Variants in INPP4B observed in about 807,000 individuals in gnomAD.
INPP4B encodes inositol polyphosphate 4-phosphatase type II.
In INPP4B, 55 loss-of-function variants were observed where a neutral mutation model predicts 122.5. The observed-to-expected ratio is 0.45, with a 90% CI of 0.36 to 0.56. The LOEUF (loss-of-function observed/expected upper bound fraction) is 0.56. Among genes scored for constraint, INPP4B ranks in the 20% least tolerant of loss-of-function variants. The pLI is 0.00. For missense variants in INPP4B, 1,000 were observed against 1,097.7 expected (o/e 0.91, Z 1.26); for synonymous variants, 403 against 388.7 (o/e 1.04, Z -0.43).
intron 7 of INPP4B, among the ~76,000 whole-genome samples, chr4:142,372,901 T>G (rs1439845973): frequency 6.6e-6 from 1 of 152,022 alleles, no homozygotes; most frequent in Non-Finnish European, 1.5e-5. Flanking sequence ...TTCATATGAT[T>G]AAGCACATTT....
intron 1 of INPP4B, among the ~76,000 whole-genome samples, chr4:142,750,441 T>C (rs1769516216): frequency 6.6e-6 from 1 of 152,084 alleles, no homozygotes; most frequent in Non-Finnish European, 1.5e-5. Context: ...ACCAAGTGGA[T>C]GGAATGTATG....
intron 7 of INPP4B, among the ~76,000 whole-genome samples, chr4:142,337,734 A>ATTATATATATTATATATAATATATAT (rs1554038704): frequency 2.4e-5 from 1 of 41,672 alleles, no homozygotes; most frequent in Non-Finnish European, 5.1e-5. Flanking sequence ...TTTTATATAT[A>ATTATATATATTATATATAATATATAT]TTTATATATA....
intron 2 of INPP4B, among the ~76,000 whole-genome samples, chr4:142,626,256 C>A (rs1195881247): frequency 6.6e-6 from 1 of 152,068 alleles, no homozygotes; most frequent in Non-Finnish European, 1.5e-5. Flanking sequence ...GGACTATCAT[C>A]CCCATGGTTA....
chr4:142,589,993 A>T lies in INPP4B; in HGVS notation c.-190-127267T>A, dbSNP rs183992334. 3.8e-3 allele frequency among the ~76,000 whole-genome samples: 573 copies of T among 152,276 alleles called. 4 individuals are homozygous for T. The highest frequency in any genetic ancestry group is 0.013 in the African/African-American group (540 of 41,572). ...TTTGGAAGGATACAGATAAATCTTA[A>T]GTACATATTATTAAGTGGAAGAGCC... On this transcript the variant is annotated intron_variant, in intron 2 of 25. Coordinates refer to ENST00000262992, the MANE Select transcript of INPP4B (RefSeq NM_001101669.3).
chr4:142,381,607 T>A (rs1010772066), intron 7 of INPP4B, among the ~76,000 whole-genome samples: 1 of 152,150 alleles, frequency 6.6e-6, no homozygotes, highest in Non-Finnish European at 1.5e-5. Context: ...TTAAGAAAAC[T>A]TTCCCTACTC....
intron 18 of INPP4B, among the ~76,000 whole-genome samples, chr4:142,126,354 TA>T (rs900799484): frequency 1.3e-5 from 2 of 151,998 alleles, no homozygotes; most frequent in Non-Finnish European, 2.9e-5. Context: ...CAGAGAATAA[TA>T]AAAAGAATCA....
intron 3 of INPP4B, among the ~76,000 whole-genome samples, chr4:142,460,771 G>A (rs973392986): frequency 2.6e-5 from 4 of 152,042 alleles, no homozygotes; most frequent in African/African-American, 7.2e-5. Flanking sequence ...TAAAAAAGTC[G>A]ATGCCCTTTG....
intron 2 of INPP4B, among the ~76,000 whole-genome samples, chr4:142,694,371 C>CA (rs1160863312): frequency 3.3e-3 from 241 of 73,248 alleles, no homozygotes; most frequent in East Asian, 0.02. Context: ...AGACTCGTCT[C>CA]AAAAAAAAAA....
chr4:142,253,113 G>C (rs1046910335), intron 11 of INPP4B, among the ~76,000 whole-genome samples: 1 of 152,084 alleles, frequency 6.6e-6, no homozygotes, highest in Admixed American at 6.6e-5. Context: ...CATAGAAAAG[G>C]TACAGTAAAA....
At chr4:142,097,365 C>T (rs1324980141) in intron 23 of INPP4B, among the ~76,000 whole-genome samples, 1 of 151,886 alleles carries the variant, frequency 6.6e-6, no homozygotes, top group African/African-American at 2.4e-5. Context: ...AGCAATTATC[C>T]TGCCTCAGTC....
intron 5 of INPP4B, among the ~76,000 whole-genome samples, chr4:142,416,008 T>C (rs1180826628): frequency 9.5e-6 from 1 of 104,844 alleles, no homozygotes; most frequent in Non-Finnish European, 1.9e-5. Context: ...TGTTGTGGGG[T>C]GGGGTGAGGG....
chr4:142,255,981 T>C (rs531613700), intron 11 of INPP4B, among the ~76,000 whole-genome samples: 1 of 144,266 alleles, frequency 6.9e-6, no homozygotes, highest in African/African-American at 2.6e-5. Context: ...AAATGTAAAG[T>C]AACAGAAATT....
chr4:142,737,723 G>A (rs1767182738), intron 1 of INPP4B, among the ~76,000 whole-genome samples: 1 of 151,966 alleles, frequency 6.6e-6, no homozygotes, highest in Admixed American at 6.6e-5. Flanking sequence ...TCTGACAAAG[G>A]GCTAATATCC....
At chr4:142,132,491 A>T (rs2152794965) in intron 18 of INPP4B, among the ~76,000 whole-genome samples, 1 of 152,300 alleles carries the variant, frequency 6.6e-6, no homozygotes, top group South Asian at 2.1e-4. Flanking sequence ...GTAATCCATA[A>T]ATATGAGCTT....
intron 9 of INPP4B, among the ~76,000 whole-genome samples, chr4:142,273,927 A>G (rs912952415): frequency 1.3e-5 from 2 of 151,932 alleles, no homozygotes; most frequent in African/African-American, 2.4e-5. Flanking sequence ...TGTAAAATGT[A>G]GAAGCCACTC....
intron 2 of INPP4B, among the ~76,000 whole-genome samples, chr4:142,545,705 ATATG>A (rs1305596971): frequency 4.8e-5 from 6 of 125,898 alleles, no homozygotes; most frequent in African/African-American, 1.8e-4. Context: ...ATGTGTATAT[ATATG>A]TGTGTGTATA....
At chr4:142,105,911 T>A (rs1243165095) in intron 23 of INPP4B, among the ~76,000 whole-genome samples, 1 of 152,314 alleles carries the variant, frequency 6.6e-6, no homozygotes, top group Admixed American at 6.5e-5. Context: ...CCTCTACTCA[T>A]ACTCTTATAA....
At chr4:142,700,481 A>G (rs1404691517) in intron 2 of INPP4B, among the ~76,000 whole-genome samples, 1 of 152,172 alleles carries the variant, frequency 6.6e-6, no homozygotes, top group African/African-American at 2.4e-5. Flanking sequence ...TCAGATTCCT[A>G]TAGAATTGTA....
chr4:142,760,174 T>C (rs1771117167), intron 1 of INPP4B, among the ~76,000 whole-genome samples: 2 of 152,144 alleles, frequency 1.3e-5, no homozygotes, highest in African/African-American at 2.4e-5. Context: ...CCTACATTTC[T>C]CATTAAGTAG....
Sources: gnomAD v4.1 joint callset for allele counts (sites outside exome capture counted in the v4.1 genomes callset) on GRCh38, gnomAD v4.1.1 for gene constraint, MANE v1.5 for transcripts, NCBI Gene and HGNC (gene_info 2026-07-23, HGNC 2026-07-21) for gene names.